Variants in RGS6 observed in about 807,000 individuals in gnomAD.
RGS6 encodes the protein regulator of G-protein signaling 6.
A neutral mutation model predicts 78.5 loss-of-function variants in RGS6; 30 were observed. That is an observed-to-expected ratio of 0.38 (90% CI 0.29 to 0.52). The LOEUF is 0.52. RGS6 is among the 20% of genes least tolerant of loss of function. The pLI is 0.85. For missense variants in RGS6, 495 were observed against 609.7 expected (o/e 0.81, Z 1.98); for synonymous variants, 206 against 206.0 (o/e 1.00, Z 0.00).
At chr14:72,228,947 C>T (rs973483442) in intron 2 of RGS6, among the ~76,000 whole-genome samples, 4 of 152,000 alleles carry the variant, frequency 2.6e-5, no homozygotes, top group Non-Finnish European at 4.4e-5. Flanking sequence ...CCCAGCTACT[C>T]GGGAGGCTGA....
intron 2 of RGS6, among the ~76,000 whole-genome samples, chr14:72,088,763 G>A (rs563497600): frequency 6.6e-6 from 1 of 152,118 alleles, no homozygotes; most frequent in Admixed American, 6.5e-5. Context: ...CCATGCTCTA[G>A]CCCCTGCCTA....
chr14:72,279,050 A>G (rs1031297451), intron 2 of RGS6, among the ~76,000 whole-genome samples: 1 of 151,926 alleles, frequency 6.6e-6, no homozygotes, highest in Admixed American at 6.6e-5. Context: ...GCTTAACCTT[A>G]ATTACTTCTG....
intron 2 of RGS6, among the ~76,000 whole-genome samples, chr14:72,324,439 G>A (rs1378533284): frequency 6.6e-6 from 1 of 152,002 alleles, no homozygotes; most frequent in Admixed American, 6.5e-5. Flanking sequence ...CATGTGCCAT[G>A]TTGGTGTGCT....
intron 3 of RGS6, among the ~76,000 whole-genome samples, chr14:72,392,208 C>T (rs1292907724): frequency 2.0e-5 from 3 of 149,336 alleles, no homozygotes; most frequent in African/African-American, 7.5e-5. Context: ...ATATATTTGT[C>T]ACAAGGATTT....
the RGS6 span, among the ~76,000 whole-genome samples, chr14:71,884,752 A>C: frequency 6.6e-6 from 1 of 152,270 alleles, no homozygotes; most frequent in Admixed American, 6.5e-5. Context: ...CCCATTTGTC[A>C]TGACTAAGAG....
chr14:72,518,417 A>C lies in RGS6; in HGVS notation c.1158A>C (p.Glu386Asp). Residue 386 changes from glutamate (E) to aspartate (D), a missense_variant, in exon 15 of 18, where the codon GAA (glutamate) becomes GAC (aspartate). Physicochemically the swap from Glu to Asp is conservative, Grantham distance 45. Transcript: ENST00000553525. ...PLQDVAKRVE[E>D]IWQEFLAPGA... ...AGGATGTGGCCAAGAGGGTAGAAGA[A>C]ATCTGGCAAGAGTTTCTGGCTCCAG... The C allele has an allele frequency of 6.2e-7, 1 of 1,614,228 alleles. No homozygotes were observed. Among genetic ancestry groups the C allele is most frequent in the Non-Finnish European group, 8.5e-7 (1 of 1,180,040 alleles).
chr14:72,508,018 G>A (rs1369881491), intron 13 of RGS6, among the ~76,000 whole-genome samples: 1 of 152,204 alleles, frequency 6.6e-6, no homozygotes, highest in South Asian at 2.1e-4. Flanking sequence ...TGTGGCTTGC[G>A]TTTGAGAGAA....
intron 3 of RGS6, among the ~76,000 whole-genome samples, chr14:72,377,430 C>T (rs2085036754): frequency 2.0e-5 from 3 of 151,992 alleles, no homozygotes. Flanking sequence ...GAGAGATAGA[C>T]TACAATACAA....
At chr14:72,162,097 A>T (rs928265662) in intron 2 of RGS6, among the ~76,000 whole-genome samples, 4 of 152,204 alleles carry the variant, frequency 2.6e-5, no homozygotes, top group African/African-American at 9.6e-5. Flanking sequence ...GAAAACTTTG[A>T]CTATGACATA....
chr14:71,962,461 G>A (rs1365691351), intron 1 of RGS6, among the ~76,000 whole-genome samples: 1 of 152,222 alleles, frequency 6.6e-6, no homozygotes, highest in Non-Finnish European at 1.5e-5. Flanking sequence ...GGATACATGA[G>A]TATATATAAA....
At chr14:72,127,977 A>C (rs1243387644) in intron 2 of RGS6, among the ~76,000 whole-genome samples, 1 of 152,184 alleles carries the variant, frequency 6.6e-6, no homozygotes, top group Non-Finnish European at 1.5e-5. Flanking sequence ...GATTCATCCA[A>C]GTTGTTGCAC....
chr14:71,950,392 C>T (rs2092161804), intron 1 of RGS6, among the ~76,000 whole-genome samples: 1 of 152,144 alleles, frequency 6.6e-6, no homozygotes, highest in African/African-American at 2.4e-5. Flanking sequence ...GAAACTGGAC[C>T]TCTTCCTTAC....
chr14:72,212,060 T>C (rs572031159), intron 2 of RGS6, among the ~76,000 whole-genome samples: 2 of 152,310 alleles, frequency 1.3e-5, no homozygotes, highest in East Asian at 1.9e-4. Context: ...ATAGAACCAG[T>C]ACGTTACCTG....
chr14:72,600,384 C>A, the RGS6 span, among the ~76,000 whole-genome samples: 3 of 145,650 alleles, frequency 2.1e-5, no homozygotes, highest in Non-Finnish European at 4.5e-5. Flanking sequence ...ACCCCTACTT[C>A]CCTGACGAAC....
chr14:72,223,817 A>C (rs1449070958), intron 2 of RGS6, among the ~76,000 whole-genome samples: 2 of 152,238 alleles, frequency 1.3e-5, no homozygotes, highest in Non-Finnish European at 2.9e-5. Flanking sequence ...CTGCATCAGA[A>C]TCATCTGAGA....
At chr14:72,021,761 T>G (rs1009922775) in intron 2 of RGS6, among the ~76,000 whole-genome samples, 1 of 151,554 alleles carries the variant, frequency 6.6e-6, no homozygotes, top group African/African-American at 2.4e-5. Flanking sequence ...TGTGGGCCAC[T>G]GCGCCTGGCC....
chr14:72,583,273 C>T, the RGS6 span, among the ~76,000 whole-genome samples: 11 of 152,208 alleles, frequency 7.2e-5, no homozygotes, highest in Admixed American at 2.0e-4. Flanking sequence ...TCATGGGACT[C>T]CTTGGCCTCC....
chr14:71,868,002 C>T, the RGS6 span, among the ~76,000 whole-genome samples: 1 of 152,180 alleles, frequency 6.6e-6, no homozygotes, highest in Non-Finnish European at 1.5e-5. Flanking sequence ...TTGAGACCAT[C>T]ATCCATCCAT....
At chr14:72,202,899 G>A (rs699365) in intron 2 of RGS6, among the ~76,000 whole-genome samples, 141,861 of 151,952 alleles carry the variant, frequency 0.93, 66,342 homozygotes, top group East Asian at 0.99. Context: ...TTGAGGCGGA[G>A]TCTCGCTCTG....
Sources: gnomAD v4.1 joint callset for allele counts (sites outside exome capture counted in the v4.1 genomes callset) on GRCh38, gnomAD v4.1.1 for gene constraint, MANE v1.5 for transcripts, NCBI Gene and HGNC (gene_info 2026-07-23, HGNC 2026-07-21) for gene names.